PDE7A: variants seen among roughly 807,000 people sequenced by gnomAD.
PDE7A encodes the protein high affinity 3',5'-cyclic-AMP phosphodiesterase 7A.
PDE7A carries 39 observed loss-of-function variants against 64.3 expected under a neutral mutation model. That is an observed-to-expected ratio of 0.61 (90% confidence interval 0.47 to 0.79). The LOEUF (loss-of-function observed/expected upper bound fraction) is 0.79. PDE7A is among the 30% of genes least tolerant of loss of function. The pLI, the probability that PDE7A is intolerant of heterozygous loss-of-function variation, is 0.00. For synonymous variants in PDE7A, 203 were observed against 206.8 expected (o/e 0.98, Z 0.16); for missense variants, 470 against 582.8 (o/e 0.81, Z 1.99).
chr8:65,719,705 T>C (rs1806293776), intron 12 of PDE7A: 5 of 563,398 alleles, frequency 8.9e-6, no homozygotes, highest in African/African-American at 3.7e-5. Context: ...CAATGGAAAT[T>C]TGAGTAAAAG....
chr8:65,822,188 T>TA (rs1810557760), intron 1 of PDE7A, among the ~76,000 whole-genome samples: 1 of 152,222 alleles, frequency 6.6e-6, no homozygotes, highest in African/African-American at 2.4e-5. Context: ...TTGTAAAGTC[T>TA]TTAAGGGGCT....
In PDE7A at chr8:65,716,185, T is replaced by C. The variant is rs1326732759; in HGVS notation, c.*3105A>G. On this transcript the variant is annotated 3_prime_UTR_variant, in exon 13 of 13. Coordinates refer to ENST00000401827, the MANE Select transcript of PDE7A (RefSeq NM_001242318.3). Reference sequence around the variant, plus strand: ...AAAACAAAAGGGCTATAGAAGGTGATTCCCACATATACATAATAAAACAAC... The same window carrying C: ...AAAACAAAAGGGCTATAGAAGGTGACTCCCACATATACATAATAAAACAAC... Among the ~76,000 whole-genome samples the C allele has an allele frequency of 6.7e-6, 1 of 149,278 alleles. No individual in the cohort carries two copies. The highest frequency in any genetic ancestry group is 1.5e-5 in the Non-Finnish European group (1 of 67,318).
intron 3 of PDE7A, among the ~76,000 whole-genome samples, chr8:65,771,487 G>A (rs570303745): frequency 2.0e-5 from 3 of 152,054 alleles, no homozygotes; most frequent in South Asian, 2.1e-4. Flanking sequence ...TGTTGATATC[G>A]ATCTCCCTCT....
At chr8:65,751,071 G>A (rs1198049126) in intron 3 of PDE7A, among the ~76,000 whole-genome samples, 1 of 152,164 alleles carries the variant, frequency 6.6e-6, no homozygotes, top group African/African-American at 2.4e-5. Context: ...GAAAGGACAT[G>A]GAGCCTGTCT....
At chr8:65,761,471 C>G (rs80229839) in intron 3 of PDE7A, among the ~76,000 whole-genome samples, 8,052 of 152,314 alleles carry the variant, frequency 0.053, 305 homozygotes, top group Middle Eastern at 0.092. Flanking sequence ...CCACTTCCAT[C>G]AAGCCTGGAC....
At chr8:65,749,392 T>A (rs1422015463) in intron 3 of PDE7A, among the ~76,000 whole-genome samples, 1 of 152,236 alleles carries the variant, frequency 6.6e-6, no homozygotes, top group African/African-American at 2.4e-5. Flanking sequence ...CACACTGTTA[T>A]GTGATTTACT....
chr8:65,773,057 A>G (rs1017537443), intron 3 of PDE7A, among the ~76,000 whole-genome samples: 3 of 152,170 alleles, frequency 2.0e-5, no homozygotes, highest in African/African-American at 7.2e-5. Context: ...TGCAGAGAAC[A>G]AGTTCAGGCT....
intron 1 of PDE7A, chr8:65,789,143 G>T: frequency 2.8e-6 from 3 of 1,072,480 alleles, no homozygotes; most frequent in Non-Finnish European, 3.7e-6. Context: ...CTTACCCAGC[G>T]CATGCTTCAT....
intron 2 of PDE7A, among the ~76,000 whole-genome samples, chr8:65,781,208 T>A (rs1196991986): frequency 6.6e-6 from 1 of 151,952 alleles, no homozygotes; most frequent in African/African-American, 2.4e-5. Flanking sequence ...GGCAGGGACC[T>A]ACAGGAAGTG....
At chr8:65,797,399 T>C (rs1213251868) in intron 1 of PDE7A, among the ~76,000 whole-genome samples, 1 of 152,154 alleles carries the variant, frequency 6.6e-6, no homozygotes, top group Non-Finnish European at 1.5e-5. Flanking sequence ...AGGCAGAGAT[T>C]GTAGTGATTT....
rs554818836 is a variant in PDE7A at position 65,830,693 on chromosome 8, C to T, written c.138+10678G>A. The stretch of plus-strand genomic sequence containing the variant: ...ACATGACTGAACTGATAACTCAGTC[C>T]AAAATAAATCTGACACAGAGCATTA... On this transcript the variant is annotated intron_variant, in intron 1 of 12. Coordinates refer to ENST00000401827, the MANE Select transcript of PDE7A (RefSeq NM_001242318.3). Among the ~76,000 whole-genome samples the T allele has an allele frequency of 4.3e-4, 66 of 152,030 alleles. 2 individuals carry two copies. In the South Asian group the frequency reaches 0.013, roughly 31 times the overall value.
At chr8:65,801,906 G>C (rs1809996261) in intron 1 of PDE7A, among the ~76,000 whole-genome samples, 1 of 152,186 alleles carries the variant, frequency 6.6e-6, no homozygotes, top group African/African-American at 2.4e-5. Context: ...AATAAAGTAA[G>C]AGGACATGAA....
At position 65,791,358 on chromosome 8, in the gene PDE7A, A is replaced by G. The variant is rs1809697227; in HGVS notation, c.139-8515T>C. 3.3e-5 allele frequency among the ~76,000 whole-genome samples: 5 copies of G among 152,340 alleles called. No individual in the cohort carries two copies. In the South Asian group the frequency reaches 1.0e-3, roughly 32 times the overall value. ...CCTTCATGGGAGGTAAGTGGTATCT[A>G]TAAACGAACAGCTAGCTCGTAGTGG... On this transcript the variant is annotated intron_variant, in intron 1 of 12. Coordinates refer to ENST00000401827, the MANE Select transcript of PDE7A (RefSeq NM_001242318.3).
intron 3 of PDE7A, among the ~76,000 whole-genome samples, chr8:65,777,040 A>T (rs1809278992): frequency 6.6e-6 from 1 of 150,642 alleles, no homozygotes; most frequent in African/African-American, 2.4e-5. Context: ...CTTGCTCAGA[A>T]TTATAAGAAA....
At chr8:65,761,947 G>A (rs566729206) in intron 3 of PDE7A, among the ~76,000 whole-genome samples, 2 of 152,192 alleles carry the variant, frequency 1.3e-5, no homozygotes, top group South Asian at 2.1e-4. Context: ...TCCCACAACC[G>A]ATGTCACAAA....
chr8:65,838,983 T>C (rs1811013299), intron 1 of PDE7A, among the ~76,000 whole-genome samples: 1 of 152,236 alleles, frequency 6.6e-6, no homozygotes, highest in Admixed American at 6.5e-5. Context: ...AAACCAAGTT[T>C]TGGATAAATG....
chr8:65,718,166 T>TC lies in PDE7A; in HGVS notation c.*1123dup, dbSNP rs1806216749. Reference sequence around the variant, plus strand: ...TACAGCTTACCTACCAACCTTCCCCTCCCCCGAGTGTGGCTGCTCATTATG... The same window carrying TC: ...TACAGCTTACCTACCAACCTTCCCCTCCCCCCGAGTGTGGCTGCTCATTATG... On this transcript the variant is annotated 3_prime_UTR_variant, in exon 13 of 13. Coordinates refer to ENST00000401827, the MANE Select transcript of PDE7A (RefSeq NM_001242318.3). 1 of 152,178 alleles carries TC rather than the reference T, an allele frequency of 6.6e-6. No individual in the cohort carries two copies. Among genetic ancestry groups the TC allele is most frequent in the Non-Finnish European group, 1.5e-5 (1 of 68,046 alleles). 9.4% of individuals were successfully genotyped at this position (152,178 alleles called of 1,614,324 possible).
At position 65,812,866 on chromosome 8, in the gene PDE7A, C is replaced by T. The variant is rs1810289235; in HGVS notation, c.138+28505G>A. Among the ~76,000 whole-genome samples, 5 of 152,134 alleles carry T rather than the reference C, an allele frequency of 3.3e-5. No homozygotes were observed. The South Asian group carries it at 1.0e-3, about 32-fold the overall frequency. On this transcript the variant is annotated intron_variant, in intron 1 of 12. Transcript: ENST00000401827. ...TCGAAAGACTGATAACACCTCACTG[C>T]CAGTAAGGGTATGGAGATAACGAGA...
At chr8:65,819,211 T>C (rs1343955752) in intron 1 of PDE7A, among the ~76,000 whole-genome samples, 5 of 152,140 alleles carry the variant, frequency 3.3e-5, no homozygotes, top group Admixed American at 2.6e-4. Context: ...CTGGGCAACA[T>C]AGTGAGACAC....
Sources: gnomAD v4.1 joint callset for allele counts (sites outside exome capture counted in the v4.1 genomes callset) on GRCh38, gnomAD v4.1.1 for gene constraint, MANE v1.5 for transcripts, NCBI Gene and HGNC (gene_info 2026-07-23, HGNC 2026-07-21) for gene names.